The following RP1 variants were observed in gnomAD, a reference collection of about 807,000 sequenced individuals.
RP1 encodes the protein oxygen-regulated protein 1.
Under a neutral mutation model 14.8 loss-of-function variants are expected in RP1, and 16 were observed. The observed-to-expected ratio is 1.08, with a 90% CI of 0.73 to 1.65. RP1 has a LOEUF of 1.65. Among genes scored for constraint, RP1 ranks in the 40% most tolerant of loss-of-function variants. The pLI is 0.00. For synonymous variants in RP1, 876 were observed against 883.6 expected (o/e 0.99, Z 0.15); for missense variants, 2,631 against 2,535.0 (o/e 1.04, Z -0.81).
chr8:54,749,921 G>C (rs1809316773), intron 19 of RP1, among the ~76,000 whole-genome samples: 1 of 151,798 alleles, frequency 6.6e-6, no homozygotes, highest in Non-Finnish European at 1.5e-5. Context: ...TTGACTGATG[G>C]GCTAGAGAAT....
chr8:54,577,650 C>T (rs1188883714), intron 1 of RP1, among the ~76,000 whole-genome samples: 3 of 152,128 alleles, frequency 2.0e-5, no homozygotes, highest in African/African-American at 4.8e-5. Flanking sequence ...AGATACTATG[C>T]TACTTTATCT....
intron 24 of RP1, among the ~76,000 whole-genome samples, chr8:54,816,650 T>C (rs1439767841): frequency 6.6e-6 from 1 of 152,216 alleles, no homozygotes; most frequent in African/African-American, 2.4e-5. Flanking sequence ...GTCTCTTACA[T>C]AGTCTCTCCT....
Position 54,627,531 on chromosome 8 carries a change from A to G in RP1, c.3649A>G (p.Ile1217Val), listed in dbSNP as rs1043368323. 1 of 1,614,196 alleles carries G rather than the reference A, an allele frequency of 6.2e-7. No homozygotes were observed. The highest frequency in any genetic ancestry group is 8.5e-7 in the Non-Finnish European group (1 of 1,179,984). The change falls in exon 4 of 4, where the codon ATT (isoleucine) becomes GTT (valine). Residue 1217 changes from isoleucine to valine, a missense_variant. Ile to Val is a conservative substitution (Grantham distance 29). Transcript: ENST00000220676. ...DLSANCSTVN[I>V]QSVPKCSENE... ...TTCTGCAAATTGTTCCACGGTCAACATTCAGAGTGTTCCTAAGTGCAGTGA... is the reference window on the plus strand; with the variant it reads ...TTCTGCAAATTGTTCCACGGTCAACGTTCAGAGTGTTCCTAAGTGCAGTGA...
intron 15 of RP1, among the ~76,000 whole-genome samples, chr8:54,716,575 C>T (rs1808409476): frequency 6.6e-6 from 1 of 152,106 alleles, no homozygotes; most frequent in Non-Finnish European, 1.5e-5. Flanking sequence ...TTTTGGGCAA[C>T]ATAGGGCTTG....
chr8:54,614,043 T>G (rs1317434002), upstream of RP1, among the ~76,000 whole-genome samples: 1 of 152,238 alleles, frequency 6.6e-6, no homozygotes, highest in Non-Finnish European at 1.5e-5. Context: ...ATAATGTATA[T>G]TCTCTTACTT....
intron 25 of RP1, among the ~76,000 whole-genome samples, chr8:54,847,775 G>C (rs1269768016): frequency 6.6e-6 from 1 of 152,226 alleles, no homozygotes; most frequent in East Asian, 1.9e-4. Flanking sequence ...CACTGTCTCT[G>C]TTTCCCAGCT....
chr8:54,760,934 G>T (rs1422089248), intron 22 of RP1, among the ~76,000 whole-genome samples: 2 of 152,124 alleles, frequency 1.3e-5, no homozygotes, highest in African/African-American at 4.8e-5. Context: ...CCCATCTGAT[G>T]AGTAACACAT....
At chr8:54,814,634 C>T (rs1463155615) in intron 24 of RP1, among the ~76,000 whole-genome samples, 2 of 152,138 alleles carry the variant, frequency 1.3e-5, no homozygotes, top group East Asian at 1.9e-4. Context: ...GTTTTCAAAG[C>T]TCTCTCTCAG....
At chr8:54,827,804 G>A (rs1442015273) in intron 24 of RP1, among the ~76,000 whole-genome samples, 8 of 152,062 alleles carry the variant, frequency 5.3e-5, no homozygotes, top group Admixed American at 4.6e-4. Flanking sequence ...AGGCTGAGGC[G>A]GAAGAAGTGC....
intron 26 of RP1, among the ~76,000 whole-genome samples, chr8:54,854,740 C>A (rs1812148953): frequency 6.6e-6 from 1 of 152,172 alleles, no homozygotes; most frequent in Non-Finnish European, 1.5e-5. Context: ...CGGCAGGCGC[C>A]TGTAGTCTCA....
At chr8:54,735,453 A>G (rs1808895528) in intron 18 of RP1, among the ~76,000 whole-genome samples, 1 of 152,118 alleles carries the variant, frequency 6.6e-6, no homozygotes, top group Admixed American at 6.6e-5. Context: ...GTACTGTTAA[A>G]CAGCAGTCAT....
At chr8:54,665,916 G>C (rs988391931) in intron 7 of RP1, among the ~76,000 whole-genome samples, 2 of 152,094 alleles carry the variant, frequency 1.3e-5, no homozygotes, top group African/African-American at 4.8e-5. Flanking sequence ...GGGTGCTGGG[G>C]GTTTTTGCCT....
chr8:54,793,271 C>T (rs1362657469), intron 24 of RP1, among the ~76,000 whole-genome samples: 1 of 151,820 alleles, frequency 6.6e-6, no homozygotes, highest in African/African-American at 2.4e-5. Context: ...TAATGCCAAA[C>T]CATCTCAAAC....
rs557286857 is a variant in RP1 at position 54,789,377 on chromosome 8, C to T, written c.3615+5667C>T. Among the ~76,000 whole-genome samples the T allele has an allele frequency of 3.0e-4, 46 of 152,274 alleles. 2 individuals are homozygous for T. In the South Asian group the frequency reaches 8.1e-3, roughly 27 times the overall value. On this transcript the variant is annotated intron_variant, in intron 24 of 28. Coordinates refer to the RP1 transcript ENST00000637698. Reference sequence around the variant, plus strand: ...AGCCCTGCCTGAGCAATGAGCCAAGCCAATGACCCTGCCTGACTCTGGAGC... The same window carrying T: ...AGCCCTGCCTGAGCAATGAGCCAAGTCAATGACCCTGCCTGACTCTGGAGC...
chr8:54,853,373 G>C (rs1377101442), intron 26 of RP1, among the ~76,000 whole-genome samples: 1 of 152,170 alleles, frequency 6.6e-6, no homozygotes, highest in African/African-American at 2.4e-5. Flanking sequence ...ACGTAAAGAG[G>C]AAGACTCAGT....
In RP1 at chr8:54,726,411, C is replaced by CA. The variant is rs1295725262; in HGVS notation, c.2463dup (p.Gln822ThrfsTer9). The CA allele has an allele frequency of 6.5e-6, 10 of 1,533,798 alleles. No individual in the cohort carries two copies. The highest frequency in any genetic ancestry group is 3.9e-5 in the Admixed American group (2 of 50,846). ...CAAGAAGAAGAAAAGATCCATGAGT[C>CA]AAAAAAACAGAAAAAAATACCCCCA... On this transcript the variant is annotated frameshift_variant, in exon 17 of 23. Transcript: ENST00000636932. LOFTEE classifies it high-confidence loss of function.
At chr8:54,614,074 T>C (rs1162312059), upstream of RP1, among the ~76,000 whole-genome samples, 1 of 152,254 alleles carries the variant, frequency 6.6e-6, no homozygotes, top group Non-Finnish European at 1.5e-5. Flanking sequence ...AATGAGCCTA[T>C]AAAGCAGGTA....
chr8:54,674,122 G>A (rs1296865506), intron 8 of RP1, among the ~76,000 whole-genome samples: 2 of 151,998 alleles, frequency 1.3e-5, no homozygotes, highest in African/African-American at 4.8e-5. Context: ...AAATGACATA[G>A]GCTTGGCCAA....
intron 7 of RP1, among the ~76,000 whole-genome samples, chr8:54,665,949 A>G (rs1344863635): frequency 6.6e-6 from 1 of 152,080 alleles, no homozygotes. Flanking sequence ...TGAAGCCAGG[A>G]GAAAGCTGCT....
Sources: allele counts gnomAD v4.1 joint callset (sites outside exome capture counted in the v4.1 genomes callset), GRCh38; gene constraint gnomAD v4.1.1; transcripts MANE v1.5; gene names NCBI Gene and HGNC (gene_info 2026-07-23, HGNC 2026-07-21).